Variants in SEZ6L observed in about 807,000 individuals in gnomAD.
SEZ6L encodes seizure related 6 homolog like, also known as seizure 6-like protein.
In SEZ6L, 37 loss-of-function variants were observed where a neutral mutation model predicts 106.2. The observed-to-expected ratio is 0.35, with a 90% CI of 0.27 to 0.46. SEZ6L has a LOEUF of 0.46. Ranked by LOEUF, SEZ6L falls within the 20% of genes least tolerant of loss-of-function variation. SEZ6L has a pLI of 1.00. For synonymous variants in SEZ6L, 541 were observed against 570.4 expected (o/e 0.95, Z 0.73); for missense variants, 1,172 against 1,332.8 (o/e 0.88, Z 1.88).
chr22:26,189,872 C>T (rs1242030372), intron 1 of SEZ6L, among the ~76,000 whole-genome samples: 3 of 151,966 alleles, frequency 2.0e-5, no homozygotes, highest in Admixed American at 1.3e-4. Flanking sequence ...CCGAGGCGGG[C>T]GGGTCACGAG....
At chr22:26,363,611 G>T (rs891630592) in intron 12 of SEZ6L, among the ~76,000 whole-genome samples, 3 of 152,200 alleles carry the variant, frequency 2.0e-5, no homozygotes, top group Non-Finnish European at 2.9e-5. Context: ...GGTCTTGAAG[G>T]CATGCTTGAG....
At chr22:26,269,814 G>A (rs1307806567) in intron 1 of SEZ6L, among the ~76,000 whole-genome samples, 1 of 152,228 alleles carries the variant, frequency 6.6e-6, no homozygotes, top group East Asian at 1.9e-4. Context: ...AGAGTCTACT[G>A]TGGGAAGATC....
intron 1 of SEZ6L, among the ~76,000 whole-genome samples, chr22:26,189,789 A>G (rs1940049652): frequency 6.6e-6 from 1 of 152,132 alleles, no homozygotes; most frequent in African/African-American, 2.4e-5. Context: ...AAAAATCAGA[A>G]TGAGGGACTC....
intron 9 of SEZ6L, among the ~76,000 whole-genome samples, chr22:26,320,845 C>T (rs556495217): frequency 3.0e-4 from 45 of 152,212 alleles, no homozygotes; most frequent in African/African-American, 1.1e-3. Flanking sequence ...TGGGAGGGTG[C>T]GGGGGAGAGC....
intron 1 of SEZ6L, among the ~76,000 whole-genome samples, chr22:26,262,336 G>A (rs2080042906): frequency 6.6e-6 from 1 of 151,394 alleles, no homozygotes; most frequent in Non-Finnish European, 1.5e-5. Flanking sequence ...AACATATATG[G>A]CAGGTGTGAG....
intron 1 of SEZ6L, among the ~76,000 whole-genome samples, chr22:26,249,609 G>A (rs1306007434): frequency 6.6e-6 from 1 of 152,010 alleles, no homozygotes; most frequent in African/African-American, 2.4e-5. Context: ...TTCTTCTCTT[G>A]GCTATTGTGA....
intron 1 of SEZ6L, among the ~76,000 whole-genome samples, chr22:26,211,610 T>C (rs1384573545): frequency 6.6e-6 from 1 of 152,022 alleles, no homozygotes; most frequent in Non-Finnish European, 1.5e-5. Flanking sequence ...ATCAAGAAAG[T>C]GATGGTCAGG....
At chr22:26,356,611 C>T (rs922940612) in intron 12 of SEZ6L, among the ~76,000 whole-genome samples, 3 of 151,418 alleles carry the variant, frequency 2.0e-5, no homozygotes, top group African/African-American at 7.3e-5. Context: ...CACTGCACTC[C>T]AGGCTGGGAG....
chr22:26,376,429 G>A (rs1407412641), intron 15 of SEZ6L, among the ~76,000 whole-genome samples: 2 of 152,098 alleles, frequency 1.3e-5, no homozygotes, highest in Non-Finnish European at 2.9e-5. Context: ...TTTGAGCAAG[G>A]ACTTGAAAGT....
At chr22:26,348,658 G>GA (rs1290686808) in intron 11 of SEZ6L, among the ~76,000 whole-genome samples, 1 of 42,898 alleles carries the variant, frequency 2.3e-5, no homozygotes, top group Non-Finnish European at 4.5e-5. Flanking sequence ...AAGAAAGAAA[G>GA]AAAGAAAGAA....
chr22:26,277,399 T>G (rs147980838), intron 1 of SEZ6L, among the ~76,000 whole-genome samples: 85 of 152,302 alleles, frequency 5.6e-4, no homozygotes, highest in African/African-American at 1.9e-3. Flanking sequence ...TGGTGTGTTG[T>G]TTAGGGTGGC....
At chr22:26,187,279 T>G (rs1447333701) in intron 1 of SEZ6L, among the ~76,000 whole-genome samples, 1 of 152,200 alleles carries the variant, frequency 6.6e-6, no homozygotes, top group Non-Finnish European at 1.5e-5. Context: ...TTCTCAGGCC[T>G]TGTGAGAACT....
At chr22:26,236,076 CA>C (rs1232183912) in intron 1 of SEZ6L, among the ~76,000 whole-genome samples, 1 of 152,232 alleles carries the variant, frequency 6.6e-6, no homozygotes, top group Non-Finnish European at 1.5e-5. Context: ...ATCTGCATCT[CA>C]GGCTGCTGTG....
chr22:26,195,429 G>A (rs573139798), intron 1 of SEZ6L, among the ~76,000 whole-genome samples: 3 of 152,244 alleles, frequency 2.0e-5, no homozygotes, highest in East Asian at 1.9e-4. Flanking sequence ...TAGTCATTTC[G>A]AAAATGGGGG....
intron 9 of SEZ6L, among the ~76,000 whole-genome samples, chr22:26,323,156 G>A (rs1176023091): frequency 2.0e-5 from 3 of 152,186 alleles, no homozygotes; most frequent in Non-Finnish European, 2.9e-5. Flanking sequence ...TGCAGCCAAG[G>A]AGACATAAAA....
intron 9 of SEZ6L, among the ~76,000 whole-genome samples, chr22:26,337,831 T>A (rs114766345): frequency 2.8e-3 from 428 of 152,308 alleles, no homozygotes; most frequent in African/African-American, 0.01. Context: ...AATCAAAATC[T>A]TCCTAAGCCA....
rs566290725 is a variant in SEZ6L at position 26,305,859 on chromosome 22, G to A, written c.1349-120G>A. On this transcript the variant is annotated intron_variant, in intron 5 of 16. Transcript: ENST00000248933. ...ATCCTGGGCAAGGGGCAGGGGTGGGGATCAGGGGAGAATGAAACACTCACT... is the reference window on the plus strand; with the variant it reads ...ATCCTGGGCAAGGGGCAGGGGTGGGAATCAGGGGAGAATGAAACACTCACT... The A allele has an allele frequency of 8.3e-6, 9 of 1,089,568 alleles. No homozygotes were observed. In the South Asian group the frequency reaches 1.3e-4, roughly 15 times the overall value. 67.5% of individuals were successfully genotyped at this position (1,089,568 alleles called of 1,614,324 possible).
chr22:26,204,944 C>T (rs533091399), intron 1 of SEZ6L, among the ~76,000 whole-genome samples: 3 of 152,236 alleles, frequency 2.0e-5, no homozygotes, highest in African/African-American at 4.8e-5. Context: ...CACTTCAAAC[C>T]TATGTGACAT....
chr22:26,188,464 T>G (rs1939950950), intron 1 of SEZ6L, among the ~76,000 whole-genome samples: 1 of 152,162 alleles, frequency 6.6e-6, no homozygotes, highest in Non-Finnish European at 1.5e-5. Context: ...TCATGTGACT[T>G]GGCCTTCTCC....
Sources: allele counts gnomAD v4.1 joint callset (sites outside exome capture counted in the v4.1 genomes callset), GRCh38; gene constraint gnomAD v4.1.1; transcripts MANE v1.5; gene names NCBI Gene and HGNC (gene_info 2026-07-23, HGNC 2026-07-21).